Variants in EPC1 observed in about 807,000 individuals in gnomAD.
The protein encoded by EPC1 is enhancer of polycomb homolog 1.
Under a neutral mutation model 98.4 loss-of-function variants are expected in EPC1, and 12 were observed. That is an observed-to-expected ratio of 0.12 (90% confidence interval 0.08 to 0.20). The LOEUF (loss-of-function observed/expected upper bound fraction) is 0.20. Ranked by LOEUF, EPC1 falls within the 10% of genes least tolerant of loss-of-function variation. The probability of loss-of-function intolerance (pLI) is 1.00; values close to 1 mark genes in which losing one functional copy is unlikely to be tolerated. For synonymous variants in EPC1, 357 were observed against 363.9 expected (o/e 0.98, Z 0.21); for missense variants, 729 against 990.5 (o/e 0.74, Z 3.54).
At chr10:32,285,337 G>A in intron 9 of EPC1, 1 of 286,012 alleles carries the variant, frequency 3.5e-6, no homozygotes. Context: ...CTATATTTAA[G>A]CAAAAACTTC....
chr10:32,288,644 C>T (rs1301312468), intron 6 of EPC1, among the ~76,000 whole-genome samples: 1 of 152,036 alleles, frequency 6.6e-6, no homozygotes, highest in Non-Finnish European at 1.5e-5. Context: ...AGCTGCTGCA[C>T]CCGGCCTAAA....
upstream of EPC1, among the ~76,000 whole-genome samples, chr10:32,351,444 G>A (rs1839106031): frequency 2.0e-5 from 3 of 152,022 alleles, no homozygotes. Flanking sequence ...ATCACCTGAG[G>A]TCAGGAGTTC....
At chr10:32,342,247 T>C (rs962616002) in intron 1 of EPC1, among the ~76,000 whole-genome samples, 1 of 152,224 alleles carries the variant, frequency 6.6e-6, no homozygotes, top group African/African-American at 2.4e-5. Context: ...GAAATCTAGA[T>C]TGATCTTTAC....
At chr10:32,343,383 G>T (rs974239177) in intron 1 of EPC1, among the ~76,000 whole-genome samples, 2 of 152,050 alleles carry the variant, frequency 1.3e-5, no homozygotes, top group African/African-American at 2.4e-5. Context: ...GCTAATTTTT[G>T]TATTTTTAGT....
At position 32,346,947 on chromosome 10, in the gene EPC1, G is replaced by A. The variant is rs1838875273; in HGVS notation, c.-32C>T. 1 of 1,608,832 alleles carries A rather than the reference G, an allele frequency of 6.2e-7. No homozygotes were observed. Among genetic ancestry groups the A allele is most frequent in the African/African-American group, 1.3e-5 (1 of 75,042 alleles). ...CGCAGCAGATACCTCTCCGCTCTGG[G>A]GAAACGGCCCCGGCCAGCGGGATCA... On this transcript the variant is annotated 5_prime_UTR_variant, in exon 1 of 14. Coordinates refer to ENST00000319778, the MANE Select transcript of EPC1 (RefSeq NM_001272004.3).
chr10:32,276,419 C>T (rs1014592078), intron 10 of EPC1, among the ~76,000 whole-genome samples: 1 of 152,054 alleles, frequency 6.6e-6, no homozygotes, highest in African/African-American at 2.4e-5. Flanking sequence ...GGCTGAGGCA[C>T]GAGAATCGCT....
chr10:32,288,776 G>C (rs1050955411), intron 6 of EPC1, among the ~76,000 whole-genome samples: 1 of 152,016 alleles, frequency 6.6e-6, no homozygotes, highest in African/African-American at 2.4e-5. Context: ...GGCTCAGAGG[G>C]GGGGACCACA....
rs143074416 is a variant in EPC1 at position 32,316,951 on chromosome 10, A to T, written c.154-11020T>A. The stretch of plus-strand genomic sequence containing the variant: ...ATGGAGAGATGAATACATGGGTGAT[A>T]AAATAAATAATAACATGGAAGAATC... On this transcript the variant is annotated intron_variant, in intron 1 of 13. Coordinates refer to ENST00000319778, the MANE Select transcript of EPC1 (RefSeq NM_001272004.3). Among the ~76,000 whole-genome samples the T allele has an allele frequency of 2.1e-3, 326 of 152,334 alleles. 14 individuals are homozygous for T. The highest frequency in any genetic ancestry group is 0.018 in the Admixed American group (276 of 15,298).
Position 32,291,295 on chromosome 10 carries a change from C to T in EPC1, c.843G>A (p.Glu281=), listed in dbSNP as rs1489067586. The T allele has an allele frequency of 1.9e-6, 3 of 1,613,630 alleles. No individual in the cohort carries two copies. The Admixed American group carries it at 5.0e-5, about 27-fold the overall frequency. Residue 281 remains glutamate (E), a synonymous_variant, in exon 6 of 14, where the codon GAG becomes GAA. Transcript: ENST00000319778. ...TCTGTGCCATAACCTCAGACATGAT[C>T]TCTCCATTGTAGTCGCCCAAATTAT... ...KRYNLGDYNG[E]IMSEVMAQRQ...
rs1394596851 is a variant in EPC1 at position 32,346,990 on chromosome 10, G to A, written c.-75C>T. 2 of 1,572,168 alleles carry A rather than the reference G, an allele frequency of 1.3e-6. No homozygotes were observed. Among genetic ancestry groups the A allele is most frequent in the South Asian group, 1.1e-5 (1 of 87,244 alleles). On this transcript the variant is annotated 5_prime_UTR_variant, in exon 1 of 14. Coordinates refer to ENST00000319778, the MANE Select transcript of EPC1 (RefSeq NM_001272004.3). ...CGGGATCATGGAGAACCGGGGGTTC[G>A]GTCCCCACTCGCCAACCGCTGCCGG...
chr10:32,336,050 A>C (rs544091982), intron 1 of EPC1, among the ~76,000 whole-genome samples: 1 of 148,520 alleles, frequency 6.7e-6, no homozygotes, highest in South Asian at 2.2e-4. Context: ...GTCCATCATG[A>C]TAATCTACTA....
intron 1 of EPC1, among the ~76,000 whole-genome samples, chr10:32,321,319 C>T (rs1360556393): frequency 2.6e-5 from 4 of 151,864 alleles, no homozygotes; most frequent in South Asian, 2.1e-4. Flanking sequence ...TGATTCTTTA[C>T]GGGAAAAGTT....
intron 1 of EPC1, among the ~76,000 whole-genome samples, chr10:32,372,630 A>G (rs1839780784): frequency 6.6e-6 from 1 of 152,254 alleles, no homozygotes; most frequent in South Asian, 2.1e-4. Flanking sequence ...TGACTGATAA[A>G]TCAGAAGGCC....
intron 2 of EPC1, among the ~76,000 whole-genome samples, chr10:32,303,339 C>CA (rs1340284324): frequency 6.6e-6 from 1 of 151,886 alleles, no homozygotes; most frequent in Non-Finnish European, 1.5e-5. Flanking sequence ...CTCATGTTCT[C>CA]AAAAAAACTT....
At chr10:32,296,335 A>G (rs1835156447) in intron 2 of EPC1, among the ~76,000 whole-genome samples, 1 of 152,210 alleles carries the variant, frequency 6.6e-6, no homozygotes, top group East Asian at 1.9e-4. Context: ...TCAAACCACA[A>G]TCACAAAGCC....
intron 9 of EPC1, 23 bp downstream of exon 9, chr10:32,286,671 C>T (rs772213410): frequency 6.2e-7 from 1 of 1,612,090 alleles, no homozygotes; most frequent in Non-Finnish European, 8.5e-7. Context: ...TATCCTTCTG[C>T]TAGGAATACA....
At chr10:32,276,263 C>T (rs1186866416) in intron 10 of EPC1, among the ~76,000 whole-genome samples, 1 of 152,210 alleles carries the variant, frequency 6.6e-6, no homozygotes, top group African/African-American at 2.4e-5. Context: ...GTAATCCCAG[C>T]ACTTTGTGAT....
At chr10:32,319,382 T>C (rs951826351) in intron 1 of EPC1, among the ~76,000 whole-genome samples, 3 of 152,120 alleles carry the variant, frequency 2.0e-5, no homozygotes, top group South Asian at 2.1e-4. Flanking sequence ...TCCCCACAGA[T>C]TGCTTATTTG....
chr10:32,279,253 G>A (rs967985247), intron 10 of EPC1, among the ~76,000 whole-genome samples: 2 of 151,992 alleles, frequency 1.3e-5, no homozygotes, highest in Non-Finnish European at 2.9e-5. Flanking sequence ...GGAGGCTGAG[G>A]TGGGAGAATC....
Sources: gnomAD v4.1 joint callset for allele counts (sites outside exome capture counted in the v4.1 genomes callset) on GRCh38, gnomAD v4.1.1 for gene constraint, MANE v1.5 for transcripts, NCBI Gene and HGNC (gene_info 2026-07-23, HGNC 2026-07-21) for gene names.